PRR5: variants seen among roughly 807,000 people sequenced by gnomAD.
The protein encoded by PRR5 is proline rich 5, also known as proline-rich protein 5.
PRR5 carries 25 observed loss-of-function variants against 30.6 expected under a neutral mutation model. The ratio of observed to expected loss-of-function variants is 0.82; its 90% CI spans 0.60 to 1.14. The LOEUF is 1.14. Among genes scored for constraint, PRR5 ranks in the 50% most tolerant of loss-of-function variants. The pLI is 0.00. For missense variants in PRR5, 600 were observed against 547.1 expected (o/e 1.10, Z -0.96); for synonymous variants, 286 against 247.1 (o/e 1.16, Z -1.48).
intron 1 of PRR5, among the ~76,000 whole-genome samples, chr22:44,669,539 G>A (rs1448545129): frequency 6.6e-6 from 1 of 152,244 alleles, no homozygotes; most frequent in African/African-American, 2.4e-5. Context: ...AGGTCTGCCT[G>A]GCCACGGGTC....
upstream of PRR5, among the ~76,000 whole-genome samples, chr22:44,674,429 A>G (rs1204703482): frequency 1.3e-5 from 2 of 152,104 alleles, no homozygotes; most frequent in African/African-American, 2.4e-5. Context: ...TGAGGTCAAG[A>G]GTTCAAGACC....
In PRR5 at chr22:44,702,301, G is replaced by T; in HGVS notation, c.-174G>T. Reference sequence around the variant, plus strand: ...TAACCCGGCGGGGCGGCCGGCGCGGGACCCGAGACGGAGGCGCGGGGCCGG... The same window carrying T: ...TAACCCGGCGGGGCGGCCGGCGCGGTACCCGAGACGGAGGCGCGGGGCCGG... On this transcript the variant is annotated 5_prime_UTR_variant, in exon 1 of 8. Coordinates refer to ENST00000336985, the MANE Select transcript of PRR5 (RefSeq NM_181333.4). The T allele has an allele frequency of 1.7e-6, 2 of 1,148,936 alleles. No individual in the cohort carries two copies. The highest frequency in any genetic ancestry group is 8.5e-5 in the South Asian group (2 of 23,402). 71.2% of individuals were successfully genotyped at this position (1,148,936 alleles called of 1,614,324 possible).
chr22:44,702,170 ACCCGCCCCTGGG>A (rs972619205), upstream of PRR5: 48 of 685,090 alleles, frequency 7.0e-5, 1 homozygote, highest in East Asian at 2.4e-3. Flanking sequence ...GGGCGCCGAG[ACCCGCCCCTGGG>A]CCCGCCCCCG....
At chr22:44,669,887 C>T (rs1388024507) in intron 1 of PRR5, among the ~76,000 whole-genome samples, 2 of 152,116 alleles carry the variant, frequency 1.3e-5, no homozygotes, top group African/African-American at 2.4e-5. Context: ...CTCCCTGTGG[C>T]CCCTCCGGCC....
Position 44,702,578 on chromosome 22 carries a change from G to A in PRR5, c.104G>A (p.Arg35His). 2 of 1,397,378 alleles carry A rather than the reference G, an allele frequency of 1.4e-6. No homozygotes were observed. Among genetic ancestry groups the A allele is most frequent in the Non-Finnish European group, 1.9e-6 (2 of 1,073,484 alleles). 86.6% of individuals were successfully genotyped at this position (1,397,378 alleles called of 1,614,324 possible). ...AAADERGTQQRRACANATWNS... is the reference protein window; with the variant it reads ...AAADERGTQQHRACANATWNS... ...GCGGACGAGCGGGGCACGCAGCAGC[G>A]CCGGGCCTGCGCCAACGCCACCTGG... Residue 35 changes from arginine to histidine, a missense_variant, in exon 1 of 8, where the codon CGC (arginine) becomes CAC (histidine). Coordinates refer to ENST00000336985, the MANE Select transcript of PRR5 (RefSeq NM_181333.4).
chr22:44,684,124 T>A (rs950259391), intron 1 of PRR5, among the ~76,000 whole-genome samples: 1 of 152,138 alleles, frequency 6.6e-6, no homozygotes, highest in African/African-American at 2.4e-5. Context: ...CTGGGGCTTT[T>A]CAGTTAAACA....
At chr22:44,719,868 G>C (rs988510759) in intron 2 of PRR5, among the ~76,000 whole-genome samples, 1 of 152,196 alleles carries the variant, frequency 6.6e-6, no homozygotes, top group Admixed American at 6.5e-5. Context: ...CTCCCAGGAA[G>C]CAGCAAACCC....
intron 6 of PRR5, among the ~76,000 whole-genome samples, chr22:44,733,344 C>T (rs1329627702): frequency 6.6e-6 from 1 of 152,282 alleles, no homozygotes. Context: ...CCAAGTCCTG[C>T]TTGCTATGAG....
chr22:44,698,615 C>T (rs1379498711), upstream of PRR5, among the ~76,000 whole-genome samples: 2 of 152,150 alleles, frequency 1.3e-5, no homozygotes, highest in African/African-American at 4.8e-5. Context: ...CCGGTGGGCA[C>T]CTGGAGGCCT....
chr22:44,695,797 C>T (rs1166011590), intron 1 of PRR5, among the ~76,000 whole-genome samples: 2 of 151,938 alleles, frequency 1.3e-5, no homozygotes, highest in African/African-American at 4.8e-5. Context: ...GACAGGGTTT[C>T]ACCATGTTGA....
At chr22:44,719,585 G>A (rs1929622700) in intron 2 of PRR5, among the ~76,000 whole-genome samples, 1 of 152,174 alleles carries the variant, frequency 6.6e-6, no homozygotes, top group African/African-American at 2.4e-5. Flanking sequence ...GTGCTTAGTG[G>A]CCTGGGCTGC....
intron 1 of PRR5, among the ~76,000 whole-genome samples, chr22:44,710,839 G>C (rs986600855): frequency 6.6e-6 from 1 of 152,142 alleles, no homozygotes; most frequent in Non-Finnish European, 1.5e-5. Flanking sequence ...CCAAGGTGTG[G>C]TAGATACAAG....
intron 1 of PRR5, among the ~76,000 whole-genome samples, chr22:44,704,019 G>A (rs1926793243): frequency 1.3e-5 from 2 of 152,198 alleles, no homozygotes; most frequent in South Asian, 4.1e-4. Flanking sequence ...TCCCTACTCT[G>A]TGGTCTTGAG....
upstream of PRR5, among the ~76,000 whole-genome samples, chr22:44,674,796 A>G (rs989079118): frequency 6.6e-6 from 1 of 151,884 alleles, no homozygotes. Context: ...AAATACAAAA[A>G]TTAGCCGGGC....
chr22:44,730,543 C>T (rs1454252173), intron 4 of PRR5: 1 of 988,656 alleles, frequency 1.0e-6, no homozygotes, highest in East Asian at 1.1e-4. Context: ...TGGCACCGTT[C>T]CTCTCAAGGC....
chr22:44,731,973 T>C, intron 5 of PRR5, 152 bp downstream of exon 5: 1 of 932,468 alleles, frequency 1.1e-6, no homozygotes, highest in Non-Finnish European at 1.6e-6. Flanking sequence ...GCTCAGAGCC[T>C]GTTTCCACCC....
chr22:44,690,077 G>A (rs921154397), intron 1 of PRR5, among the ~76,000 whole-genome samples: 1 of 152,174 alleles, frequency 6.6e-6, no homozygotes, highest in African/African-American at 2.4e-5. Flanking sequence ...ACAGAGGAGG[G>A]AAGCGGCACC....
chr22:44,724,436 A>G (rs907932999), intron 2 of PRR5, among the ~76,000 whole-genome samples: 4 of 152,202 alleles, frequency 2.6e-5, no homozygotes, highest in Non-Finnish European at 4.4e-5. Context: ...CTTCGTCTCA[A>G]AAAGAAAAAA....
In PRR5 at chr22:44,736,795, C is replaced by A; in HGVS notation, c.715C>A (p.Arg239Ser). ...ILEKRLLRRS[R>S]SGDVLAKNPV... ...AGAAAAGCGCCTCCTCCGCCGCTCC[C>A]GCTCGGGGGACGTGCTGGCCAAGAA... Residue 239 changes from arginine to serine, a missense_variant, in exon 8 of 8, where the codon CGC becomes AGC. By Grantham distance (110) the Arg-to-Ser change is moderately radical. Coordinates refer to ENST00000336985, the MANE Select transcript of PRR5 (RefSeq NM_181333.4). 1 of 1,562,398 alleles carries A rather than the reference C, an allele frequency of 6.4e-7. No homozygotes were observed. Among genetic ancestry groups the A allele is most frequent in the Non-Finnish European group, 8.7e-7 (1 of 1,148,442 alleles).
Sources: allele counts gnomAD v4.1 joint callset (sites outside exome capture counted in the v4.1 genomes callset), GRCh38; gene constraint gnomAD v4.1.1; transcripts MANE v1.5; gene names NCBI Gene and HGNC (gene_info 2026-07-23, HGNC 2026-07-21).